BANP: variants seen among roughly 807,000 people sequenced by gnomAD.
BANP encodes the protein protein BANP.
In BANP, 11 loss-of-function variants were observed where a neutral mutation model predicts 68.1. The ratio of observed to expected loss-of-function variants is 0.16; its 90% CI spans 0.10 to 0.27. The LOEUF is 0.27. Among genes scored for constraint, BANP ranks in the 10% least tolerant of loss-of-function variants. The pLI is 1.00. For synonymous variants in BANP, 329 were observed against 303.2 expected (o/e 1.09, Z -0.88); for missense variants, 504 against 722.7 (o/e 0.70, Z 3.47).
intron 11 of BANP, among the ~76,000 whole-genome samples, chr16:88,060,534 T>G (rs886132691): frequency 6.6e-6 from 1 of 152,232 alleles, no homozygotes. Context: ...CACGGTGGAT[T>G]CAAACGTATT....
chr16:88,072,031 G>C, intron 12 of BANP, 38 bp from the exon 13 acceptor site: 1 of 1,543,744 alleles, frequency 6.5e-7, no homozygotes, highest in Non-Finnish European at 8.7e-7. Context: ...TGGGTTGTGG[G>C]CCACGCCGCT....
intron 3 of BANP, among the ~76,000 whole-genome samples, chr16:87,982,110 A>G (rs8060771): frequency 0.26 from 39,844 of 152,182 alleles, 5,962 homozygotes; most frequent in East Asian, 0.49. Context: ...ACCAATGGAT[A>G]GGATGTGGCT....
At chr16:88,017,458 G>A (rs1033995384) in intron 6 of BANP, 1 of 152,266 alleles carries the variant, frequency 6.6e-6, no homozygotes, top group Non-Finnish European at 1.5e-5. Context: ...TCCATCACAC[G>A]GGGAGGCTTT....
intron 1 of BANP, among the ~76,000 whole-genome samples, chr16:87,953,845 A>G (rs1177185215): frequency 2.0e-5 from 3 of 152,148 alleles, no homozygotes; most frequent in African/African-American, 7.2e-5. Flanking sequence ...TTTCTTCTGT[A>G]GCTGGGTATG....
chr16:88,058,340 C>T (rs1475657909), intron 11 of BANP, among the ~76,000 whole-genome samples: 6 of 152,196 alleles, frequency 3.9e-5, no homozygotes, highest in South Asian at 2.1e-4. Flanking sequence ...CAGGCAGGGC[C>T]GGGACGTGCT....
At chr16:88,024,784 G>A (rs1429036299) in intron 7 of BANP, among the ~76,000 whole-genome samples, 2 of 152,250 alleles carry the variant, frequency 1.3e-5, no homozygotes, top group Non-Finnish European at 2.9e-5. Context: ...ATAATTTGAT[G>A]TCTGAGGACA....
rs909985252 is a variant in BANP, at chr16:88,064,169, G to C, written c.1312-1098G>C. ...CAGAGACGGCAGAGCACGAGGCTGG[G>C]GCAGGAGGTGTCGGGGGCTTGAGAG... On this transcript the variant is annotated intron_variant, in intron 11 of 13. Transcript: ENST00000682872. The surrounding 1 kb of genome is among the most constrained non-coding windows in gnomAD (Gnocchi z 4.5). Among the ~76,000 whole-genome samples the C allele has an allele frequency of 6.6e-6, 1 of 151,850 alleles. No individual in the cohort carries two copies. The highest frequency in any genetic ancestry group is 2.4e-5 in the African/African-American group (1 of 41,318).
At chr16:88,053,075 T>A (rs972837899) in intron 11 of BANP, among the ~76,000 whole-genome samples, 1 of 151,468 alleles carries the variant, frequency 6.6e-6, no homozygotes. Context: ...TCCATCATTA[T>A]CACCAACCCA....
chr16:88,016,225 G>T (rs112330136), intron 6 of BANP, among the ~76,000 whole-genome samples: 2 of 152,256 alleles, frequency 1.3e-5, no homozygotes, highest in Non-Finnish European at 1.5e-5. Flanking sequence ...GGGGCCTCCC[G>T]TCCATGCAGG....
chr16:88,074,731 C>T (rs373642780), intron 13 of BANP, among the ~76,000 whole-genome samples: 1 of 152,176 alleles, frequency 6.6e-6, no homozygotes, highest in East Asian at 1.9e-4. Flanking sequence ...CCACCCACCC[C>T]AGGGCCCTGG....
rs1185570187 is a variant in BANP, at chr16:88,038,135, C to T, written c.1311+124C>T. On this transcript the variant is annotated intron_variant, in intron 11 of 13. Coordinates refer to ENST00000682872, the MANE Select transcript of BANP (RefSeq NM_001386991.1). ...CCATGTACATGTGGGCATTGCGCTG[C>T]CGAGGGGTGGGGCTCTCACGGGAGG... 2.8e-5 allele frequency: 23 copies of T among 814,944 alleles called. No individual in the cohort carries two copies. In the Admixed American group the frequency reaches 4.9e-4, roughly 17 times the overall value. The allele number at this position is 814,944 out of a possible 1,614,324, so 50.5% of individuals were successfully genotyped here. A position where few individuals can be genotyped will look rare whatever the true frequency, so the allele number is the denominator to read the frequency against.
chr16:88,074,007 G>A (rs2091046338), intron 13 of BANP, among the ~76,000 whole-genome samples: 2 of 152,222 alleles, frequency 1.3e-5, no homozygotes. Context: ...GGTGGTGAGC[G>A]GGTTTGCCCA....
At chr16:88,037,900 G>A (rs978634500) in intron 10 of BANP, 73 bp from the exon 11 acceptor site, 1 of 1,461,760 alleles carries the variant, frequency 6.8e-7, no homozygotes, top group Non-Finnish European at 9.6e-7. Flanking sequence ...ATGTGTCTTG[G>A]CGTGTTTGCC....
intron 11 of BANP, among the ~76,000 whole-genome samples, chr16:88,045,860 AT>A (rs1482207052): frequency 6.6e-6 from 1 of 151,830 alleles, no homozygotes; most frequent in African/African-American, 2.4e-5. Context: ...TCGTCTTGGG[AT>A]TGGCAGTGTC....
At chr16:87,987,101 T>C (rs1225180246) in intron 4 of BANP, among the ~76,000 whole-genome samples, 1 of 152,214 alleles carries the variant, frequency 6.6e-6, no homozygotes, top group East Asian at 1.9e-4. Flanking sequence ...TCCTTTTTTT[T>C]GAGACTCCGC....
Position 88,004,438 on chromosome 16 carries a change from T to G in BANP, c.479+27T>G. On this transcript the variant is annotated intron_variant, in intron 5 of 13. Transcript: ENST00000682872. The surrounding 1 kb of genome is among the most constrained non-coding windows in gnomAD (Gnocchi z 7.0). ...TCAGTAGCACGGCACCAACCCCACC[T>G]TTCCCTGCCACTGTGCGGAGTCCCA... is the stretch of plus-strand genomic sequence containing the variant. 7.8e-7 allele frequency: 1 copy of G among 1,279,140 alleles called. No individual in the cohort carries two copies. The highest frequency in any genetic ancestry group is 1.1e-6 in the Non-Finnish European group (1 of 913,784). The allele number at this position is 1,279,140 out of a possible 1,614,324, so 79.2% of individuals were successfully genotyped here.
At chr16:88,005,616 G>GT (rs1469837952) in intron 5 of BANP, among the ~76,000 whole-genome samples, 1 of 152,176 alleles carries the variant, frequency 6.6e-6, no homozygotes, top group African/African-American at 2.4e-5. Flanking sequence ...CCCCGTCAGG[G>GT]TTTTTTGCCC....
chr16:88,013,006 G>T (rs1300407236), intron 6 of BANP, among the ~76,000 whole-genome samples: 1 of 152,190 alleles, frequency 6.6e-6, no homozygotes, highest in African/African-American at 2.4e-5. Context: ...TCAGGAAGCA[G>T]ATATGAGACA....
chr16:87,970,932 G>T (rs1017929486), intron 1 of BANP, among the ~76,000 whole-genome samples: 29 of 150,526 alleles, frequency 1.9e-4, no homozygotes, highest in Non-Finnish European at 8.8e-5. Context: ...CTGGAGAATC[G>T]CTTGAACCCA....
Sources: gnomAD v4.1 joint callset for allele counts (sites outside exome capture counted in the v4.1 genomes callset) on GRCh38, gnomAD v4.1.1 for gene constraint, Gnocchi (gnomAD v3.1) non-coding constraint, MANE v1.5 for transcripts, NCBI Gene and HGNC (gene_info 2026-07-23, HGNC 2026-07-21) for gene names.